TXLNG: variants seen among roughly 807,000 people sequenced by gnomAD.
TXLNG encodes taxilin gamma, also known as gamma-taxilin.
A neutral mutation model predicts 38.8 loss-of-function variants in TXLNG; 5 were observed. That is an observed-to-expected ratio of 0.13 (90% CI 0.07 to 0.27). The LOEUF (loss-of-function observed/expected upper bound fraction) is 0.27. Among genes scored for constraint, TXLNG ranks in the 10% least tolerant of loss-of-function variants. TXLNG has a pLI of 1.00. For synonymous variants in TXLNG, 182 were observed against 158.2 expected, an observed-to-expected ratio of 1.15 and a Z score of -1.13; for missense variants, 393 against 398.2, an observed-to-expected ratio of 0.99 and a Z score of 0.11.
chrX:16,801,723 T>C (rs1928099067), intron 1 of TXLNG, among the ~76,000 whole-genome samples: 1 of 110,913 alleles, frequency 9.0e-6, no homozygotes. Context: ...TTGGCTATTT[T>C]CTCTGCTTAT....
At chrX:16,796,150 C>T (rs755694647) in intron 1 of TXLNG, among the ~76,000 whole-genome samples, 2 of 106,257 alleles carry the variant, frequency 1.9e-5, no homozygotes, top group South Asian at 8.4e-4. Flanking sequence ...GTTGTGTGAC[C>T]GTCACTACAC....
intron 1 of TXLNG, among the ~76,000 whole-genome samples, chrX:16,807,499 A>C (rs1206223061): frequency 9.0e-6 from 1 of 111,042 alleles, no homozygotes; most frequent in Non-Finnish European, 1.9e-5. Flanking sequence ...CGAGTTACTT[A>C]ATCTCGTCAA....
chrX:16,809,923 C>T (rs1306755777), intron 1 of TXLNG, among the ~76,000 whole-genome samples: 1 of 111,784 alleles, frequency 8.9e-6, no homozygotes, highest in Non-Finnish European at 1.9e-5. Flanking sequence ...ATGGCTGGGC[C>T]AGGAGAAGGA....
chrX:16,793,068 G>T (rs1602354722), intron 1 of TXLNG, among the ~76,000 whole-genome samples: 1 of 107,452 alleles, frequency 9.3e-6, no homozygotes, highest in Admixed American at 1.0e-4. Flanking sequence ...TTATACTCCA[G>T]CCTGGGTGAC....
Position 16,834,206 on chromosome X carries a change from C to T in TXLNG, c.985-77C>T, listed in dbSNP as rs1402166359. ...TTCTTGCTAAAATAGAAGGATGAAG[C>T]CTAACTCTGATCATTTGATATTTAG... On this transcript the variant is annotated intron_variant, in intron 6 of 9. Coordinates refer to ENST00000380122, the MANE Select transcript of TXLNG (RefSeq NM_018360.3). 8 of 870,430 alleles carry T rather than the reference C, an allele frequency of 9.2e-6. No homozygotes were observed. The East Asian group carries it at 2.2e-4, about 24-fold the overall frequency. 71.7% of individuals were successfully genotyped at this position (870,430 alleles called of 1,213,427 possible).
In TXLNG at chrX:16,844,031, T is replaced by G. The variant is rs778326944; in HGVS notation, c.*2265T>G. 2.7e-5 allele frequency: 3 copies of G among 111,535 alleles called. No individual in the cohort carries two copies. In the South Asian group the frequency reaches 1.1e-3, roughly 42 times the overall value. The allele number at this position is 111,535 out of a possible 1,213,427, so 9.2% of individuals were successfully genotyped here. A position where few individuals can be genotyped will look rare whatever the true frequency, so the allele number is the denominator to read the frequency against. The stretch of plus-strand genomic sequence containing the variant: ...TGCTACTAGGCTGGCCCAGAAAAGG[T>G]TTAAATGTTGAATTCACTTAAATTG... On this transcript the variant is annotated 3_prime_UTR_variant, in exon 10 of 10. Transcript: ENST00000380122.
intron 1 of TXLNG, among the ~76,000 whole-genome samples, chrX:16,800,067 G>A (rs985885813): frequency 9.3e-6 from 1 of 107,213 alleles, no homozygotes; most frequent in Non-Finnish European, 1.9e-5. Flanking sequence ...AGCCTCCCGA[G>A]TAGCTGGGAT....
chrX:16,820,712 C>G (rs1928906753), intron 3 of TXLNG, among the ~76,000 whole-genome samples: 1 of 112,612 alleles, frequency 8.9e-6, no homozygotes, highest in Non-Finnish European at 1.9e-5. Flanking sequence ...GTCAAGCATC[C>G]TTTTTTCCAT....
In TXLNG at chrX:16,841,580, G is replaced by T. The variant is rs1316295405; in HGVS notation, c.1401G>T (p.Ala467=). Residue 467 remains alanine, a synonymous_variant, in exon 10 of 10, where the codon GCG becomes GCT. Coordinates refer to ENST00000380122, the MANE Select transcript of TXLNG (RefSeq NM_018360.3). ...TATCCATCAAAGCGGCCATCAAAGCGGCGAACAGGGATTTAGCAACACCTG... is the reference window on the plus strand; with the variant it reads ...TATCCATCAAAGCGGCCATCAAAGCTGCGAACAGGGATTTAGCAACACCTG... The part of the protein sequence containing the change: ...EQVSIKAAIK[A]ANRDLATPVM... 8.3e-7 allele frequency: 1 copy of T among 1,211,392 alleles called. No homozygotes were observed. The highest frequency in any genetic ancestry group is 2.2e-5 in the Admixed American group (1 of 45,982).
At chrX:16,798,264 C>T (rs779907946) in intron 1 of TXLNG, among the ~76,000 whole-genome samples, 4 of 112,446 alleles carry the variant, frequency 3.6e-5, no homozygotes, top group African/African-American at 1.3e-4. Flanking sequence ...CCACTGATCT[C>T]ATCAGAAAAG....
intron 1 of TXLNG, among the ~76,000 whole-genome samples, chrX:16,801,326 C>T (rs903239839): frequency 4.5e-5 from 5 of 111,740 alleles, no homozygotes; most frequent in African/African-American, 1.6e-4. Context: ...GCTGAGATTA[C>T]AGGGACATGC....
intron 1 of TXLNG, among the ~76,000 whole-genome samples, chrX:16,808,374 G>A (rs1265107539): frequency 1.8e-5 from 2 of 110,544 alleles, no homozygotes; most frequent in Non-Finnish European, 3.8e-5. Context: ...ATTTGAGATT[G>A]GAATTTAAAT....
At chrX:16,795,376 C>G (rs1927848158) in intron 1 of TXLNG, among the ~76,000 whole-genome samples, 1 of 112,491 alleles carries the variant, frequency 8.9e-6, no homozygotes, top group Non-Finnish European at 1.9e-5. Context: ...TATTAAAAGG[C>G]AAATGATGTA....
At chrX:16,791,804 T>G (rs1200380804) in intron 1 of TXLNG, among the ~76,000 whole-genome samples, 2 of 111,949 alleles carry the variant, frequency 1.8e-5, no homozygotes. Flanking sequence ...CAGGCTGGTC[T>G]TGAACTCCTG....
chrX:16,830,456 A>C (rs1345676835), intron 5 of TXLNG, among the ~76,000 whole-genome samples: 1 of 104,967 alleles, frequency 9.5e-6, no homozygotes, highest in Non-Finnish European at 2.0e-5. Context: ...TGGTTTTTCA[A>C]GTTCCTCACT....
intron 1 of TXLNG, among the ~76,000 whole-genome samples, chrX:16,791,227 G>A (rs1399490527): frequency 1.8e-5 from 2 of 111,724 alleles, no homozygotes; most frequent in Admixed American, 9.6e-5. Context: ...GAATCTCTCC[G>A]TGATAGACAT....
At position 16,840,148 on chromosome X, in the gene TXLNG, G is replaced by C. The variant is rs992137398; in HGVS notation, c.1248+232G>C. ...GAGGGGCTGAGCTTCCTACCACCCA[G>C]TTAATCAGCCCAGGCTTGTGTCGGA... On this transcript the variant is annotated intron_variant, in intron 9 of 9. Coordinates refer to ENST00000380122, the MANE Select transcript of TXLNG (RefSeq NM_018360.3). 2.5e-4 allele frequency among the ~76,000 whole-genome samples: 28 copies of C among 112,569 alleles called. No individual in the cohort carries two copies. The East Asian group carries it at 4.2e-3, about 17-fold the overall frequency.
In TXLNG at chrX:16,844,000, C is replaced by T. The variant is rs1473216853; in HGVS notation, c.*2234C>T. The T allele has an allele frequency of 1.8e-5, 2 of 111,662 alleles. No homozygotes were observed. The highest frequency in any genetic ancestry group is 6.5e-5 in the African/African-American group (2 of 30,675). The allele number at this position is 111,662 out of a possible 1,213,427, so 9.2% of individuals were successfully genotyped here. ...CCCGTATCTACCATATTCTAGAACA[C>T]TGTAATGCTACTAGGCTGGCCCAGA... On this transcript the variant is annotated 3_prime_UTR_variant, in exon 10 of 10. Coordinates refer to ENST00000380122, the MANE Select transcript of TXLNG (RefSeq NM_018360.3).
rs992819575 is a variant in TXLNG, at chrX:16,786,576, G to T, written c.89G>T (p.Ser30Ile). 1.9e-6 allele frequency: 2 copies of T among 1,069,469 alleles called. No individual in the cohort carries two copies. Among genetic ancestry groups the T allele is most frequent in the African/African-American group, 3.9e-5 (2 of 51,160 alleles). 88.1% of individuals were successfully genotyped at this position (1,069,469 alleles called of 1,213,427 possible). A position where few individuals can be genotyped will look rare whatever the true frequency, so the allele number is the denominator to read the frequency against. ...TEAGRGGRRRSPRQKFEIGTM... is the reference protein window; with the variant it reads ...TEAGRGGRRRIPRQKFEIGTM... ...GCCGGACGGGGCGGACGGCGACGCAGCCCGCGGCAGAAGGTCAGTCAGGGG... is the reference window on the plus strand; with the variant it reads ...GCCGGACGGGGCGGACGGCGACGCATCCCGCGGCAGAAGGTCAGTCAGGGG... The change falls in exon 1 of 10, where the codon AGC becomes ATC. Residue 30 changes from serine (S) to isoleucine (I), a missense_variant. Coordinates refer to ENST00000380122, the MANE Select transcript of TXLNG (RefSeq NM_018360.3).
Sources: allele counts gnomAD v4.1 joint callset (sites outside exome capture counted in the v4.1 genomes callset), GRCh38; gene constraint gnomAD v4.1.1; transcripts MANE v1.5; gene names NCBI Gene and HGNC (gene_info 2026-07-23, HGNC 2026-07-21).